Variants in CENPN observed in about 807,000 individuals in gnomAD.
The protein encoded by CENPN is interphase centromere complex protein 32.
In CENPN, 36 loss-of-function variants were observed where a neutral mutation model predicts 48.6. The observed-to-expected ratio is 0.74, with a 90% CI of 0.57 to 0.98. CENPN has a LOEUF of 0.98. Ranked by LOEUF, CENPN falls within the 50% of genes least tolerant of loss-of-function variation. The pLI is 0.00. For missense variants in CENPN, 439 were observed against 399.2 expected (o/e 1.10, Z -0.85); for synonymous variants, 166 against 135.2 (o/e 1.23, Z -1.58).
intron 3 of CENPN, among the ~76,000 whole-genome samples, chr16:81,015,097 G>A (rs1310547929): frequency 6.6e-6 from 1 of 152,196 alleles, no homozygotes; most frequent in Non-Finnish European, 1.5e-5. Context: ...CATAAGTCAA[G>A]AAGCATCTGT....
At chr16:81,026,949 CCTGG>C (rs774783383) in intron 9 of CENPN, among the ~76,000 whole-genome samples, 3 of 151,830 alleles carry the variant, frequency 2.0e-5, no homozygotes, top group Admixed American at 6.6e-5. Context: ...TGCCACCTCA[CCTGG>C]CTAATTTTTT....
rs762638083 is a variant in CENPN at position 81,028,314 on chromosome 16, C to T, written c.937+17C>T. 4.3e-6 allele frequency: 7 copies of T among 1,611,052 alleles called. No homozygotes were observed. Among genetic ancestry groups the T allele is most frequent in the East Asian group, 4.5e-5 (2 of 44,840 alleles). On this transcript the variant is annotated intron_variant, in intron 10 of 10. Transcript: ENST00000305850. ...CACCAGCGGGTGAGTGGTCAGCTTA[C>T]TCTATAAGCTAGAAAAATTAACAAC...
At chr16:81,014,361 A>G (rs943202410) in intron 3 of CENPN, 180 bp downstream of exon 3, 1 of 604,422 alleles carries the variant, frequency 1.7e-6, no homozygotes, top group Non-Finnish European at 3.0e-6. Context: ...CAGCCTCCCG[A>G]GTAGCTGGGA....
intron 8 of CENPN, among the ~76,000 whole-genome samples, chr16:81,024,985 A>G (rs1427928174): frequency 2.0e-5 from 3 of 152,228 alleles, no homozygotes; most frequent in Non-Finnish European, 4.4e-5. Context: ...ATAAACAACA[A>G]AACAATAATT....
chr16:81,020,084 T>TG lies in CENPN; in HGVS notation c.355-16_355-15insG, dbSNP rs769076884. On this transcript the variant is annotated splice_polypyrimidine_tract_variant and intron_variant, in intron 5 of 10. Coordinates refer to ENST00000305850, the MANE Select transcript of CENPN (RefSeq NM_001100624.3). ...TTAATTAGGAAATTAAGCCTTTTTTTTTTTTCTTTAATAAGGTGACAGTCA... is the reference window on the plus strand; with the variant it reads ...TTAATTAGGAAATTAAGCCTTTTTTTGTTTTTCTTTAATAAGGTGACAGTCA... The TG allele has an allele frequency of 3.6e-5, 57 of 1,588,492 alleles. No homozygotes were observed. Among genetic ancestry groups the TG allele is most frequent in the Non-Finnish European group, 4.7e-5 (55 of 1,172,878 alleles).
At chr16:81,013,128 A>G (rs35890164) in intron 2 of CENPN, among the ~76,000 whole-genome samples, 1,657 of 152,338 alleles carry the variant, frequency 0.011, 27 homozygotes, top group East Asian at 0.058. Flanking sequence ...AAACAACCCA[A>G]ATGTCCATCA....
intron 7 of CENPN, chr16:81,022,932 T>C: frequency 6.6e-7 from 1 of 1,520,020 alleles, no homozygotes; most frequent in South Asian, 1.2e-5. Flanking sequence ...GTCTGTGTTG[T>C]AGATCTCAGC....
At chr16:81,008,442 G>T (rs776122067) in intron 1 of CENPN, among the ~76,000 whole-genome samples, 1 of 151,954 alleles carries the variant, frequency 6.6e-6, no homozygotes, top group Non-Finnish European at 1.5e-5. Context: ...CACGTTCTCG[G>T]CTCACTGCAA....
chr16:81,015,706 A>C (rs1969903904), intron 3 of CENPN, among the ~76,000 whole-genome samples: 1 of 152,184 alleles, frequency 6.6e-6, no homozygotes, highest in Admixed American at 6.5e-5. Context: ...CATTGATTCA[A>C]AAATTCATTA....
rs1283250460 is a variant in CENPN at position 81,022,641 on chromosome 16, C to T, written c.576C>T (p.Asp192=). ...ASKHHQIVKM[D]LRSRYLDSLK... ...AACACCATCAGATTGTGAAAATGGACCTGAGAAGTCGGTATCTGGACTCTC... is the reference window on the plus strand; with the variant it reads ...AACACCATCAGATTGTGAAAATGGATCTGAGAAGTCGGTATCTGGACTCTC... The change falls in exon 7 of 11, where the codon GAC becomes GAT. Residue 192 remains aspartate (D), a synonymous_variant. Transcript: ENST00000305850. The T allele has an allele frequency of 6.2e-7, 1 of 1,613,888 alleles. No homozygotes were observed. Among genetic ancestry groups the T allele is most frequent in the Non-Finnish European group, 8.5e-7 (1 of 1,180,004 alleles).
intron 7 of CENPN, 98 bp downstream of exon 7, chr16:81,022,796 G>A (rs955060665): frequency 4.3e-6 from 7 of 1,613,692 alleles, no homozygotes; most frequent in Non-Finnish European, 5.9e-6. Context: ...GACAAGAGGA[G>A]ATCATTTTAG....
chr16:81,031,678 C>G (rs1244930296), downstream of CENPN, among the ~76,000 whole-genome samples: 2 of 152,214 alleles, frequency 1.3e-5, no homozygotes, highest in Non-Finnish European at 2.9e-5. Context: ...TTCCTTAACC[C>G]CCTACCTTGG....
chr16:81,020,054 A>G lies in CENPN; in HGVS notation c.355-46A>G, dbSNP rs1255114944. 4 of 1,560,904 alleles carry G rather than the reference A, an allele frequency of 2.6e-6. No homozygotes were observed. In the African/African-American group the frequency reaches 5.7e-5, roughly 22 times the overall value. On this transcript the variant is annotated intron_variant, in intron 5 of 10. Coordinates refer to ENST00000305850, the MANE Select transcript of CENPN (RefSeq NM_001100624.3). The stretch of plus-strand genomic sequence containing the variant: ...AGCACCTGGAGTTGGTGCCACAGTG[A>G]AATTTTAATTAGGAAATTAAGCCTT...
rs147577584 is a variant in CENPN at position 81,018,734 on chromosome 16, C to G, written c.354+900C>G. On this transcript the variant is annotated intron_variant, in intron 5 of 10. Transcript: ENST00000305850. ...TCAGACAGCTGTGTGCCGCCATACC[C>G]TGGACTGGGGAGACTTTCTTGTCTC... 7.7e-4 allele frequency among the ~76,000 whole-genome samples: 118 copies of G among 152,330 alleles called. No individual in the cohort carries two copies. In the East Asian group the frequency reaches 0.014, roughly 18 times the overall value.
chr16:81,022,899 T>A, intron 7 of CENPN: 1 of 1,600,880 alleles, frequency 6.2e-7, no homozygotes, highest in Non-Finnish European at 8.5e-7. Context: ...TATTGTGTTT[T>A]ATACCACTCA....
At chr16:81,013,074 T>G (rs1218745489) in intron 2 of CENPN, among the ~76,000 whole-genome samples, 3 of 152,236 alleles carry the variant, frequency 2.0e-5, no homozygotes, top group African/African-American at 7.2e-5. Context: ...AAGACGTGTG[T>G]ACTAATGTTC....
At chr16:81,019,173 C>A (rs1173067105) in intron 5 of CENPN, among the ~76,000 whole-genome samples, 3 of 152,042 alleles carry the variant, frequency 2.0e-5, no homozygotes, top group Non-Finnish European at 4.4e-5. Flanking sequence ...CTTCTTTAAG[C>A]CCATTATGAC....
chr16:81,017,158 A>G (rs1357131674), intron 3 of CENPN, 168 bp from the exon 4 acceptor site: 5 of 379,018 alleles, frequency 1.3e-5, no homozygotes, highest in Admixed American at 9.2e-5. Flanking sequence ...CTTTATTTAT[A>G]TGAAGTACTT....
intron 1 of CENPN, among the ~76,000 whole-genome samples, chr16:81,010,976 G>C (rs771678351): frequency 1.3e-5 from 2 of 152,168 alleles, no homozygotes; most frequent in African/African-American, 4.8e-5. Context: ...AGCTAAACAA[G>C]AGCATGTCCT....
Sources: allele counts gnomAD v4.1 joint callset (sites outside exome capture counted in the v4.1 genomes callset), GRCh38; gene constraint gnomAD v4.1.1; transcripts MANE v1.5; gene names NCBI Gene and HGNC (gene_info 2026-07-23, HGNC 2026-07-21).